Variants in PDZRN4 observed in about 807,000 individuals in gnomAD.
PDZRN4 encodes PDZ domain containing ring finger 4.
Under a neutral mutation model 99.0 loss-of-function variants are expected in PDZRN4, and 70 were observed. The ratio of observed to expected loss-of-function variants is 0.71; its 90% CI spans 0.58 to 0.86. The LOEUF is 0.86. Among genes scored for constraint, PDZRN4 ranks in the 40% least tolerant of loss-of-function variants. PDZRN4 has a pLI of 0.00. For missense variants in PDZRN4, 1,474 were observed against 1,331.2 expected (o/e 1.11, Z -1.67); for synonymous variants, 551 against 501.6 (o/e 1.10, Z -1.32).
intron 3 of PDZRN4, among the ~76,000 whole-genome samples, chr12:41,306,075 C>A (rs954221632): frequency 1.3e-5 from 2 of 152,180 alleles, no homozygotes; most frequent in Admixed American, 6.5e-5. Context: ...CCCAGATAAA[C>A]CTGAAACTTA....
intron 3 of PDZRN4, among the ~76,000 whole-genome samples, chr12:41,218,948 A>G (rs1199059191): frequency 6.7e-6 from 1 of 150,204 alleles, no homozygotes; most frequent in Non-Finnish European, 1.5e-5. Context: ...TCCTAGATGT[A>G]GGAATATTAT....
chr12:41,526,677 A>T (rs148911884), intron 5 of PDZRN4, among the ~76,000 whole-genome samples: 2 of 152,326 alleles, frequency 1.3e-5, no homozygotes, highest in African/African-American at 4.8e-5. Context: ...CATTTGTCTC[A>T]GTTCTTAGTT....
chr12:41,493,228 T>C (rs1937923906), intron 3 of PDZRN4, among the ~76,000 whole-genome samples: 1 of 152,194 alleles, frequency 6.6e-6, no homozygotes, highest in African/African-American at 2.4e-5. Context: ...TAAATGTACA[T>C]AAAATCATCG....
intron 5 of PDZRN4, among the ~76,000 whole-genome samples, chr12:41,551,837 G>A (rs1443164507): frequency 3.9e-5 from 6 of 152,044 alleles, no homozygotes; most frequent in Non-Finnish European, 7.4e-5. Context: ...TGAAGTCATC[G>A]GCTTCTGAAA....
chr12:41,466,870 T>C (rs976606598), intron 3 of PDZRN4, among the ~76,000 whole-genome samples: 3 of 149,850 alleles, frequency 2.0e-5, no homozygotes, highest in African/African-American at 7.4e-5. Flanking sequence ...GGAAAAAGAA[T>C]CCCACTATGC....
intron 3 of PDZRN4, among the ~76,000 whole-genome samples, chr12:41,367,122 C>G (rs566988102): frequency 6.6e-6 from 1 of 152,162 alleles, no homozygotes; most frequent in East Asian, 1.9e-4. Context: ...CACCTTTGTG[C>G]CTTACATTCC....
At chr12:41,464,297 GA>G (rs5797737) in intron 3 of PDZRN4, among the ~76,000 whole-genome samples, 134,240 of 149,502 alleles carry the variant, frequency 0.9, 61,313 homozygotes, top group Non-Finnish European at 0.99. Context: ...TAGCTTTCAG[GA>G]AAAAAAAAAA....
chr12:41,508,829 A>G (rs903997040), intron 4 of PDZRN4, among the ~76,000 whole-genome samples: 3 of 152,162 alleles, frequency 2.0e-5, no homozygotes, highest in Admixed American at 1.3e-4. Context: ...TTGCCTTTCA[A>G]CAAGGGAGAA....
chr12:41,461,461 T>C (rs1369962422), intron 3 of PDZRN4, among the ~76,000 whole-genome samples: 1 of 152,170 alleles, frequency 6.6e-6, no homozygotes, highest in Non-Finnish European at 1.5e-5. Flanking sequence ...TGGTTTTCTA[T>C]TCCTGTGTTA....
intron 7 of PDZRN4, among the ~76,000 whole-genome samples, chr12:41,556,651 A>G (rs1461080496): frequency 6.6e-6 from 1 of 152,182 alleles, no homozygotes; most frequent in African/African-American, 2.4e-5. Flanking sequence ...ATGAAGGAGA[A>G]TATGTTTTAT....
chr12:41,423,877 C>G (rs898145498), intron 3 of PDZRN4, among the ~76,000 whole-genome samples: 1 of 152,058 alleles, frequency 6.6e-6, no homozygotes, highest in African/African-American at 2.4e-5. Flanking sequence ...ATCAGCAGCA[C>G]CATGAGGAAG....
chr12:41,563,364 C>A (rs901943872), intron 7 of PDZRN4, among the ~76,000 whole-genome samples, 184 bp from the exon 8 acceptor site: 3 of 152,096 alleles, frequency 2.0e-5, no homozygotes, highest in African/African-American at 7.2e-5. Context: ...CTTCACGGAT[C>A]GATATGGCTC....
intron 3 of PDZRN4, among the ~76,000 whole-genome samples, chr12:41,228,352 G>A (rs565921040): frequency 2.8e-4 from 42 of 152,150 alleles, no homozygotes; most frequent in African/African-American, 1.0e-3. Context: ...TAAGTATTGG[G>A]GCAGAAGTCA....
At chr12:41,571,806 G>A (rs1009276458) in intron 9 of PDZRN4, among the ~76,000 whole-genome samples, 1 of 152,132 alleles carries the variant, frequency 6.6e-6, no homozygotes, top group African/African-American at 2.4e-5. Flanking sequence ...CTCACCTATA[G>A]ATAGCAATGT....
intron 3 of PDZRN4, among the ~76,000 whole-genome samples, chr12:41,314,278 G>T (rs1351675089): frequency 6.6e-6 from 1 of 152,110 alleles, no homozygotes; most frequent in African/African-American, 2.4e-5. Flanking sequence ...ATCACAGCAA[G>T]TTAAGTTTCT....
In PDZRN4 at chr12:41,509,806, C is replaced by T; in HGVS notation, c.1101-5C>T. 1 of 1,409,964 alleles carries T rather than the reference C, an allele frequency of 7.1e-7. No homozygotes were observed. The allele number at this position is 1,409,964 out of a possible 1,614,324, so 87.3% of individuals were successfully genotyped here. A position where few individuals can be genotyped will look rare whatever the true frequency, so the allele number is the denominator to read the frequency against. On this transcript the variant is annotated splice_region_variant and splice_polypyrimidine_tract_variant and intron_variant, in intron 4 of 9. Coordinates refer to ENST00000402685, the MANE Select transcript of PDZRN4 (RefSeq NM_001164595.2). ...ATTCCTATCATATTGCTACATTCCC[C>T]ATAGCTGCCATTCTCTACATCCAAT...
chr12:41,360,082 T>A (rs1197892225), intron 3 of PDZRN4, among the ~76,000 whole-genome samples: 1 of 151,994 alleles, frequency 6.6e-6, no homozygotes, highest in Non-Finnish European at 1.5e-5. Context: ...GTTAAGATTG[T>A]TGTGTGTCGT....
At chr12:41,541,855 C>T (rs1208430430) in intron 5 of PDZRN4, among the ~76,000 whole-genome samples, 1 of 152,158 alleles carries the variant, frequency 6.6e-6, no homozygotes, top group East Asian at 1.9e-4. Context: ...TTTCTGGCAC[C>T]CGAAGTAGCT....
At position 41,197,413 on chromosome 12, in the gene PDZRN4, A is replaced by G. The variant is rs571647460; in HGVS notation, c.843+3225A>G. ...TACTGTCATTAGGTAAACCTATGTCATATTTTTCACATAATATAAGGCAAG... is the reference window on the plus strand; with the variant it reads ...TACTGTCATTAGGTAAACCTATGTCGTATTTTTCACATAATATAAGGCAAG... On this transcript the variant is annotated intron_variant, in intron 3 of 9. Coordinates refer to ENST00000402685, the MANE Select transcript of PDZRN4 (RefSeq NM_001164595.2). 6.5e-4 allele frequency among the ~76,000 whole-genome samples: 99 copies of G among 152,316 alleles called. 1 individual carries two copies. Among genetic ancestry groups the G allele is most frequent in the African/African-American group, 2.2e-3 (93 of 41,580 alleles).
Sources: gnomAD v4.1 joint callset for allele counts (sites outside exome capture counted in the v4.1 genomes callset) on GRCh38, gnomAD v4.1.1 for gene constraint, MANE v1.5 for transcripts, NCBI Gene and HGNC (gene_info 2026-07-23, HGNC 2026-07-21) for gene names.